Variants in CYP2W1 observed in about 807,000 individuals in gnomAD.
CYP2W1 encodes the protein cytochrome P450 2W1.
In CYP2W1, 51 loss-of-function variants were observed where a neutral mutation model predicts 44.9. The ratio of observed to expected loss-of-function variants is 1.14; its 90% CI spans 0.91 to 1.43. CYP2W1 has a LOEUF of 1.43. CYP2W1 is among the 40% of genes most tolerant of loss of function. The pLI is 0.00. For missense variants in CYP2W1, 746 were observed against 700.0 expected (o/e 1.07, Z -0.74); for synonymous variants, 383 against 338.3 (o/e 1.13, Z -1.45).
chr7:988,011 CCT>C (rs1439182258), intron 7 of CYP2W1, among the ~76,000 whole-genome samples: 1 of 150,396 alleles, frequency 6.6e-6, no homozygotes, highest in East Asian at 2.0e-4. Flanking sequence ...TGGGGGGTCC[CCT>C]CTGTGTGTCC....
At chr7:986,975 C>A in intron 5 of CYP2W1, 132 bp from the exon 6 acceptor site, 1 of 1,356,218 alleles carries the variant, frequency 7.4e-7, no homozygotes, top group Non-Finnish European at 9.7e-7. Flanking sequence ...TAGTGCCTGC[C>A]TCGGGGACGC....
chr7:986,348 C>A, intron 4 of CYP2W1: 1 of 515,528 alleles, frequency 1.9e-6, no homozygotes, highest in Non-Finnish European at 3.5e-6. Context: ...GTTACTTCCA[C>A]TGTGGCAGCT....
rs1848389897 is a variant in CYP2W1 at position 986,798 on chromosome 7, G to A, written c.819+1G>A. The A allele has an allele frequency of 2.6e-6, 4 of 1,553,432 alleles. No individual in the cohort carries two copies. The highest frequency in any genetic ancestry group is 3.8e-5 in the Admixed American group (2 of 52,966). On this transcript the variant is annotated splice_donor_variant, in intron 5 of 8. Transcript: ENST00000308919. LOFTEE classifies it high-confidence loss of function. ...GGACGCCCTGATCCAGCAGGGACAG[G>A]TGTGTCGGGACCCAAGACCTCCTTG...
Position 987,493 on chromosome 7 carries a change from G to A in CYP2W1, c.1105G>A (p.Ala369Thr), listed in dbSNP as rs747713803. The change falls in exon 7 of 9, where the codon GCG becomes ACG. Residue 369 changes from alanine to threonine, a missense_variant. Transcript: ENST00000308919. The stretch of plus-strand genomic sequence containing the variant: ...CCTGCCGCACGTGCCCCGCTGCACC[G>A]CGGCCGACACACAGCTGGGCGGCTT... ...TLLPHVPRCTAADTQLGGFLL... is the reference protein window; with the variant it reads ...TLLPHVPRCTTADTQLGGFLL... The A allele has an allele frequency of 3.6e-5, 55 of 1,546,424 alleles. No individual in the cohort carries two copies. The East Asian group carries it at 7.5e-4, about 21-fold the overall frequency.
At chr7:984,864 T>C in intron 2 of CYP2W1, 86 bp from the exon 3 acceptor site, 3 of 1,489,780 alleles carry the variant, frequency 2.0e-6, no homozygotes, top group Non-Finnish European at 2.7e-6. Context: ...CGCTGCCCTG[T>C]CAGCCTGCTC....
intron 4 of CYP2W1, among the ~76,000 whole-genome samples, chr7:985,789 G>T (rs1003746491): frequency 2.0e-5 from 3 of 152,190 alleles, no homozygotes; most frequent in Non-Finnish European, 4.4e-5. Context: ...GGTCCTCATG[G>T]TATTTGATGT....
chr7:988,323 C>G lies in CYP2W1; in HGVS notation c.1190C>G (p.Thr397Arg), dbSNP rs780345128. ...CTGACCTCGGTGCTCCTGGATGAGACACAGTGGCAGACCCCAGGCCAGTTC... is the reference window on the plus strand; with the variant it reads ...CTGACCTCGGTGCTCCTGGATGAGAGACAGTGGCAGACCCCAGGCCAGTTC... ...PLLTSVLLDE[T>R]QWQTPGQFNP... The change falls in exon 8 of 9, where the codon ACA becomes AGA. Residue 397 changes from threonine to arginine, a missense_variant. Physicochemically the swap from Thr to Arg is moderately conservative, Grantham distance 71 (BLOSUM62 -1). Coordinates refer to ENST00000308919, the MANE Select transcript of CYP2W1 (RefSeq NM_017781.3). 6.2e-7 allele frequency: 1 copy of G among 1,611,364 alleles called. No homozygotes were observed. Among genetic ancestry groups the G allele is most frequent in the East Asian group, 2.2e-5 (1 of 44,870 alleles).
rs140321437 is a variant in CYP2W1 at position 986,728 on chromosome 7, G to A, written c.750G>A (p.Ala250=). The A allele has an allele frequency of 4.4e-5, 71 of 1,610,852 alleles. No homozygotes were observed. In the African/African-American group the frequency reaches 4.7e-4, roughly 11 times the overall value. The change falls in exon 5 of 9, where the codon GCG becomes GCA. Residue 250 remains alanine, a synonymous_variant. Coordinates refer to ENST00000308919, the MANE Select transcript of CYP2W1 (RefSeq NM_017781.3). The part of the protein sequence containing the change: ...VRAILRTLLE[A]RRPHVCPGDP... ...CCATTCTGAGGACCCTCCTGGAGGC[G>A]CGGAGGCCCCACGTGTGCCCGGGGG...
At position 989,344 on chromosome 7, in the gene CYP2W1, A is replaced by C. The variant is rs1324510831; in HGVS notation, c.*522A>C. 1 of 158,928 alleles carries C rather than the reference A, an allele frequency of 6.3e-6. No individual in the cohort carries two copies. The highest frequency in any genetic ancestry group is 2.4e-5 in the African/African-American group (1 of 41,592). The allele number at this position is 158,928 out of a possible 1,614,324, so 9.8% of individuals were successfully genotyped here. A position where few individuals can be genotyped will look rare whatever the true frequency, so the allele number is the denominator to read the frequency against. On this transcript the variant is annotated 3_prime_UTR_variant, in exon 9 of 9. Coordinates refer to ENST00000308919, the MANE Select transcript of CYP2W1 (RefSeq NM_017781.3). The stretch of plus-strand genomic sequence containing the variant: ...GCCTGCAGTGCCAGACTCTGAGCCA[A>C]GCCACTGGGGCCATGCGTATGACTG...
In CYP2W1 at chr7:985,249, CG is replaced by C; in HGVS notation, c.574del (p.Asp192ThrfsTer53). 1 of 1,552,054 alleles carries C rather than the reference CG, an allele frequency of 6.4e-7. No individual in the cohort carries two copies. The highest frequency in any genetic ancestry group is 2.4e-5 in the East Asian group (1 of 41,136). ...CCTCTTCGGCCGCCGATTTGACTAC[CG>C]GGACCCCGTGTTTGTGTCCCTGCTG... ...ALLFGRRFDY[R>X]DPVFVSLLGL... is the part of the protein sequence containing the mutation. On this transcript the variant is annotated frameshift_variant, in exon 4 of 9. Transcript: ENST00000308919. LOFTEE classifies it high-confidence loss of function.
At chr7:985,555 C>T (rs1427557334) in intron 4 of CYP2W1, among the ~76,000 whole-genome samples, 1 of 152,196 alleles carries the variant, frequency 6.6e-6, no homozygotes, top group Non-Finnish European at 1.5e-5. Flanking sequence ...CTCCCCCACG[C>T]CCTCATCAGT....
chr7:985,188 A>G lies in CYP2W1; in HGVS notation c.510A>G (p.Leu170=), dbSNP rs770919674. Residue 170 remains leucine, a synonymous_variant, in exon 4 of 9, where the codon CTA becomes CTG. Transcript: ENST00000308919. Reference sequence around the variant, plus strand: ...CAGGCCGGCCCTTCCCGCTGGCCCTACTGGGCTGGGCTCCCTCCAATATCA... The same window carrying G: ...CAGGCCGGCCCTTCCCGCTGGCCCTGCTGGGCTGGGCTCCCTCCAATATCA... ...GYRGRPFPLA[L]LGWAPSNITF... 1.8e-5 allele frequency: 28 copies of G among 1,570,112 alleles called. 1 individual carries two copies. Among genetic ancestry groups the G allele is most frequent in the South Asian group, 1.2e-4 (10 of 86,494 alleles).
chr7:986,516 ACCCAGAGT>A, intron 4 of CYP2W1, 100 bp from the exon 5 acceptor site: 1 of 1,325,486 alleles, frequency 7.5e-7, no homozygotes, highest in Non-Finnish European at 1.1e-6. Flanking sequence ...CAGCACATCC[ACCCAGAGT>A]CCCTGGGCGT....
At position 984,564 on chromosome 7, in the gene CYP2W1, G is replaced by A; in HGVS notation, c.327G>A (p.Gln109=). Residue 109 remains glutamine, a synonymous_variant, in exon 2 of 9, where the codon CAG becomes CAA. Coordinates refer to ENST00000308919, the MANE Select transcript of CYP2W1 (RefSeq NM_017781.3). The part of the protein sequence containing the change: ...RPPIAIFQLI[Q]RGGGIFFSSG... ...CCATCGCCATCTTCCAGCTCATCCA[G>A]CGAGGTGGAGGTCGGTGTGTGGCCG... is the stretch of plus-strand genomic sequence containing the variant. The A allele has an allele frequency of 2.6e-6, 4 of 1,561,754 alleles. No individual in the cohort carries two copies. Among genetic ancestry groups the A allele is most frequent in the Non-Finnish European group, 2.6e-6 (3 of 1,156,220 alleles).
chr7:985,153 G>GCCTCCCTCGCAGGCCGGCCCT lies in CYP2W1; in HGVS notation c.488-13_488-12insCCTCCCTCGCAGGCCGGCCCT. 6.3e-7 allele frequency: 1 copy of GCCTCCCTCGCAGGCCGGCCCT among 1,593,164 alleles called. No individual in the cohort carries two copies. Among genetic ancestry groups the GCCTCCCTCGCAGGCCGGCCCT allele is most frequent in the Admixed American group, 1.8e-5 (1 of 56,102 alleles). On this transcript the variant is annotated splice_polypyrimidine_tract_variant and intron_variant, in intron 3 of 8. Coordinates refer to ENST00000308919, the MANE Select transcript of CYP2W1 (RefSeq NM_017781.3). The stretch of plus-strand genomic sequence containing the variant: ...CCGGGCCTGGACGTGCCTGAGGCCC[G>GCCTCCCTCGCAGGCCGGCCCT]TCTCCCTCGCAGGCCGGCCCTTCCC...
intron 7 of CYP2W1, 123 bp downstream of exon 7, chr7:987,654 G>C: frequency 1.1e-6 from 1 of 944,744 alleles, no homozygotes; most frequent in South Asian, 1.8e-5. Context: ...CCCGACCGGA[G>C]GCAATAAAGG....
At chr7:984,675 C>A in intron 2 of CYP2W1, 101 bp downstream of exon 2, 1 of 1,466,092 alleles carries the variant, frequency 6.8e-7, no homozygotes. Flanking sequence ...CCAGGGTGGC[C>A]TGGGGAAGAG....
At chr7:985,575 A>C (rs754247247) in intron 4 of CYP2W1, among the ~76,000 whole-genome samples, 92 of 152,258 alleles carry the variant, frequency 6.0e-4, no homozygotes, top group Non-Finnish European at 1.0e-3. Context: ...TAACAGATGC[A>C]TCTGCTCAAG....
chr7:986,454 G>A, intron 4 of CYP2W1, 170 bp from the exon 5 acceptor site: 1 of 732,446 alleles, frequency 1.4e-6, no homozygotes, highest in Admixed American at 3.0e-5. Flanking sequence ...TTTCCTGGCA[G>A]TTCCTGGTCC....
Sources: allele counts gnomAD v4.1 joint callset (sites outside exome capture counted in the v4.1 genomes callset), GRCh38; gene constraint gnomAD v4.1.1; transcripts MANE v1.5; gene names NCBI Gene and HGNC (gene_info 2026-07-23, HGNC 2026-07-21).